PPAT: variants seen among roughly 807,000 people sequenced by gnomAD.
PPAT encodes the protein amidophosphoribosyltransferase.
In PPAT, 20 loss-of-function variants were observed where a neutral mutation model predicts 60.2. The ratio of observed to expected loss-of-function variants is 0.33; its 90% CI spans 0.23 to 0.48. The LOEUF is 0.48. PPAT is among the 20% of genes least tolerant of loss of function. The pLI is 0.99. For missense variants in PPAT, 349 were observed against 629.6 expected, an observed-to-expected ratio of 0.55 and a Z score of 4.77; for synonymous variants, 194 against 215.1, an observed-to-expected ratio of 0.90 and a Z score of 0.86.
At chr4:56,434,576 A>G (rs1298301432) in intron 1 of PPAT, among the ~76,000 whole-genome samples, 1 of 152,170 alleles carries the variant, frequency 6.6e-6, no homozygotes, top group Non-Finnish European at 1.5e-5. Context: ...TTCAAAATCA[A>G]GTGTATGGAT....
chr4:56,401,787 T>C (rs1716118361), intron 6 of PPAT, among the ~76,000 whole-genome samples: 2 of 152,152 alleles, frequency 1.3e-5, no homozygotes, highest in Admixed American at 1.3e-4. Flanking sequence ...GTCATAACTA[T>C]CTCTCATTGA....
intron 1 of PPAT, among the ~76,000 whole-genome samples, chr4:56,413,026 C>T (rs1202590948): frequency 6.6e-6 from 1 of 152,024 alleles, no homozygotes; most frequent in Admixed American, 6.5e-5. Flanking sequence ...CACCCCCATG[C>T]AAATGATACT....
At chr4:56,414,819 C>G (rs1288987609) in intron 1 of PPAT, among the ~76,000 whole-genome samples, 2 of 152,180 alleles carry the variant, frequency 1.3e-5, no homozygotes, top group East Asian at 1.9e-4. Context: ...AAAGGTAATT[C>G]TTACATAACT....
chr4:56,435,597 G>T lies in PPAT; in HGVS notation c.-120C>A. The T allele has an allele frequency of 6.5e-7, 1 of 1,547,110 alleles. No individual in the cohort carries two copies. Among genetic ancestry groups the T allele is most frequent in the Non-Finnish European group, 8.8e-7 (1 of 1,141,058 alleles). On this transcript the variant is annotated 5_prime_UTR_variant, in exon 1 of 11. Coordinates refer to ENST00000264220, the MANE Select transcript of PPAT (RefSeq NM_002703.5). ...CGCTCGCGACAGGCTCTTCCTTCCC[G>T]AGGGTGGCCCCAGCTACTGCGGCGG...
intron 3 of PPAT, among the ~76,000 whole-genome samples, chr4:56,404,587 G>GT (rs3839136): frequency 0.22 from 33,148 of 151,988 alleles, 4,076 homozygotes; most frequent in East Asian, 0.39. Context: ...TAGCATCTAG[G>GT]TAAGTCATTA....
intron 1 of PPAT, among the ~76,000 whole-genome samples, chr4:56,418,116 C>A (rs1716863635): frequency 1.3e-5 from 2 of 151,902 alleles, no homozygotes; most frequent in African/African-American, 4.8e-5. Flanking sequence ...GGATTACAGG[C>A]GTGAGCCACC....
chr4:56,429,932 A>AT (rs1717494932), intron 1 of PPAT, among the ~76,000 whole-genome samples: 1 of 152,062 alleles, frequency 6.6e-6, no homozygotes, highest in Non-Finnish European at 1.5e-5. Flanking sequence ...GTAGTCTGTT[A>AT]TTTTTTATTA....
chr4:56,406,712 C>G lies in PPAT; in HGVS notation c.196-11G>C, dbSNP rs754286866. 1 of 1,579,340 alleles carries G rather than the reference C, an allele frequency of 6.3e-7. No homozygotes were observed. Among genetic ancestry groups the G allele is most frequent in the African/African-American group, 1.4e-5 (1 of 73,738 alleles). Reference sequence around the variant, plus strand: ...TACAAGACCCATTCCCTTGAGAAATCAAAAAGTGCAACTTAGAAAAAAACA... The same window carrying G: ...TACAAGACCCATTCCCTTGAGAAATGAAAAAGTGCAACTTAGAAAAAAACA... On this transcript the variant is annotated splice_polypyrimidine_tract_variant and intron_variant, in intron 2 of 10. Coordinates refer to ENST00000264220, the MANE Select transcript of PPAT (RefSeq NM_002703.5).
chr4:56,435,481 G>C lies in PPAT; in HGVS notation c.-4C>G, dbSNP rs1347426797. On this transcript the variant is annotated 5_prime_UTR_variant, in exon 1 of 11. Coordinates refer to ENST00000264220, the MANE Select transcript of PPAT (RefSeq NM_002703.5). ...TCCCCAACTCCTCCAGCTCCATGTC[G>C]CCGCCGAAAGCACGTGGAAGGACCT... The C allele has an allele frequency of 7.4e-6, 12 of 1,613,220 alleles. No individual in the cohort carries two copies. The highest frequency in any genetic ancestry group is 1.3e-5 in the African/African-American group (1 of 75,010).
In PPAT at chr4:56,394,858, TATTA is replaced by T. The variant is rs376877956; in HGVS notation, c.*490_*493del. ...ATGTGGGGAAACTGAGGCACCAGAT[TATTA>T]TTATTTTTTTTTAAAGATTTGTCTA... On this transcript the variant is annotated 3_prime_UTR_variant, in exon 11 of 11. Transcript: ENST00000264220. 295 of 150,068 alleles carry T rather than the reference TATTA, an allele frequency of 2.0e-3. 1 individual carries two copies. The highest frequency in any genetic ancestry group is 3.5e-3 in the African/African-American group (143 of 41,028). 9.3% of individuals were successfully genotyped at this position (150,068 alleles called of 1,614,324 possible). A position where few individuals can be genotyped will look rare whatever the true frequency, so the allele number is the denominator to read the frequency against.
At chr4:56,433,035 T>G (rs982935024) in intron 1 of PPAT, among the ~76,000 whole-genome samples, 1 of 149,988 alleles carries the variant, frequency 6.7e-6, no homozygotes, top group Non-Finnish European at 1.5e-5. Context: ...AAAGAAAAAG[T>G]TCTTAGTTTT....
chr4:56,429,940 T>C (rs1424364199), intron 1 of PPAT, among the ~76,000 whole-genome samples: 2 of 152,116 alleles, frequency 1.3e-5, no homozygotes, highest in Non-Finnish European at 1.5e-5. Context: ...TTATTTTTTA[T>C]TACTGTAGAA....
At chr4:56,434,876 C>T (rs987672803) in intron 1 of PPAT, among the ~76,000 whole-genome samples, 5 of 152,238 alleles carry the variant, frequency 3.3e-5, no homozygotes, top group Non-Finnish European at 7.3e-5. Flanking sequence ...TAGCTCTGCC[C>T]TTGCAAACAA....
chr4:56,407,119 AC>A (rs1223913156), intron 2 of PPAT, among the ~76,000 whole-genome samples: 1 of 152,128 alleles, frequency 6.6e-6, no homozygotes, highest in Non-Finnish European at 1.5e-5. Flanking sequence ...TAAATAAATG[AC>A]CCCCTATTTG....
At chr4:56,405,429 T>C (rs924882038) in intron 3 of PPAT, among the ~76,000 whole-genome samples, 2 of 152,222 alleles carry the variant, frequency 1.3e-5, no homozygotes, top group Admixed American at 6.5e-5. Flanking sequence ...TTGAGATGAC[T>C]GGTAGCTAGG....
At chr4:56,399,492 TA>T (rs1716061751) in intron 8 of PPAT, 92 bp from the exon 9 acceptor site, 1 of 980,642 alleles carries the variant, frequency 1.0e-6, no homozygotes, top group African/African-American at 1.7e-5. Flanking sequence ...AATATTCAAG[TA>T]AAATTTCAAA....
At chr4:56,428,092 C>T (rs1717387624) in intron 1 of PPAT, among the ~76,000 whole-genome samples, 1 of 152,126 alleles carries the variant, frequency 6.6e-6, no homozygotes, top group South Asian at 2.1e-4. Flanking sequence ...TTAGAATATA[C>T]TGTTTGAATA....
In PPAT at chr4:56,424,910, G is replaced by A. The variant is rs74817571; in HGVS notation, c.128+10440C>T. Among the ~76,000 whole-genome samples, 777 of 152,244 alleles carry A rather than the reference G, an allele frequency of 5.1e-3. 7 individuals are homozygous for A. The highest frequency in any genetic ancestry group is 9.2e-3 in the Non-Finnish European group (624 of 68,010). On this transcript the variant is annotated intron_variant, in intron 1 of 10. Coordinates refer to ENST00000264220, the MANE Select transcript of PPAT (RefSeq NM_002703.5). ...AGTTAAACCTATTTTAGGTCAGAGG[G>A]GTGGAGTCAAGCATACTTAAATAAG...
At chr4:56,433,389 G>A (rs1227379505) in intron 1 of PPAT, among the ~76,000 whole-genome samples, 1 of 129,684 alleles carries the variant, frequency 7.7e-6, no homozygotes, top group South Asian at 2.6e-4. Flanking sequence ...GAATCAAATG[G>A]TATTCATTAA....
Sources: allele counts gnomAD v4.1 joint callset (sites outside exome capture counted in the v4.1 genomes callset), GRCh38; gene constraint gnomAD v4.1.1; transcripts MANE v1.5; gene names NCBI Gene and HGNC (gene_info 2026-07-23, HGNC 2026-07-21).